The following SLC25A21 variants were observed in gnomAD, a reference collection of about 807,000 sequenced individuals.
The protein encoded by SLC25A21 is solute carrier family 25 member 21.
In SLC25A21, 47 loss-of-function variants were observed where a neutral mutation model predicts 43.8. The observed-to-expected ratio is 1.07, with a 90% confidence interval of 0.85 to 1.37. The LOEUF (loss-of-function observed/expected upper bound fraction) is 1.37. Among genes scored for constraint, SLC25A21 ranks in the 40% most tolerant of loss-of-function variants. The pLI, the probability that SLC25A21 is intolerant of heterozygous loss-of-function variation, is 0.00. For synonymous variants in SLC25A21, 131 were observed against 121.3 expected (o/e 1.08, Z -0.52); for missense variants, 352 against 350.2 (o/e 1.00, Z -0.04).
chr14:37,170,068 GC>G (rs1949802401), intron 1 of SLC25A21, among the ~76,000 whole-genome samples: 1 of 151,742 alleles, frequency 6.6e-6, no homozygotes, highest in Middle Eastern at 3.4e-3. Context: ...ACCGAGTCTC[GC>G]TCTGTCGCCA....
intron 3 of SLC25A21, among the ~76,000 whole-genome samples, chr14:36,763,038 G>C (rs2764954): frequency 0.16 from 24,486 of 152,150 alleles, 2,238 homozygotes; most frequent in Middle Eastern, 0.25. Flanking sequence ...TTATCTTCCT[G>C]TAGTTTAAAA....
At chr14:37,046,088 A>G (rs1036204112) in intron 1 of SLC25A21, among the ~76,000 whole-genome samples, 18 of 152,206 alleles carry the variant, frequency 1.2e-4, no homozygotes, top group Admixed American at 5.2e-4. Flanking sequence ...TAAGGCCACA[A>G]AATCACAAAG....
chr14:36,963,588 A>T (rs1359259234), intron 1 of SLC25A21, among the ~76,000 whole-genome samples: 2 of 152,142 alleles, frequency 1.3e-5, no homozygotes, highest in Admixed American at 1.3e-4. Flanking sequence ...CAGTAGAAGG[A>T]ACATTTTGAT....
intron 3 of SLC25A21, among the ~76,000 whole-genome samples, chr14:36,777,026 G>A (rs1355808837): frequency 6.6e-6 from 1 of 152,158 alleles, no homozygotes; most frequent in Admixed American, 6.5e-5. Context: ...CTGGGAGGCC[G>A]AGGTGGGCGG....
intron 6 of SLC25A21, among the ~76,000 whole-genome samples, chr14:36,713,759 G>A (rs2139192714): frequency 6.6e-6 from 1 of 152,262 alleles, no homozygotes; most frequent in African/African-American, 2.4e-5. Flanking sequence ...GGAGGCAGGA[G>A]GAGTGCTTGA....
At chr14:37,069,444 C>T (rs1962128783) in intron 1 of SLC25A21, among the ~76,000 whole-genome samples, 1 of 152,010 alleles carries the variant, frequency 6.6e-6, no homozygotes, top group African/African-American at 2.4e-5. Flanking sequence ...GGAACATATG[C>T]GTAGACATCC....
chr14:37,097,573 T>C (rs1962723757), intron 1 of SLC25A21, among the ~76,000 whole-genome samples: 1 of 152,094 alleles, frequency 6.6e-6, no homozygotes, highest in Non-Finnish European at 1.5e-5. Flanking sequence ...CAACTTAGTC[T>C]CAAATGATTC....
chr14:36,794,272 G>C (rs966104183), intron 3 of SLC25A21, among the ~76,000 whole-genome samples: 1 of 151,914 alleles, frequency 6.6e-6, no homozygotes, highest in Non-Finnish European at 1.5e-5. Flanking sequence ...GTTCTCTCCA[G>C]GAGTGTTTTT....
chr14:37,082,432 A>G (rs569294071), intron 1 of SLC25A21, among the ~76,000 whole-genome samples: 157 of 152,328 alleles, frequency 1.0e-3, no homozygotes, highest in African/African-American at 3.7e-3. Context: ...AAGAACATTA[A>G]GCATTAGGCA....
At chr14:36,743,683 G>A (rs753619538) in intron 3 of SLC25A21, among the ~76,000 whole-genome samples, 11 of 152,076 alleles carry the variant, frequency 7.2e-5, no homozygotes, top group African/African-American at 1.9e-4. Context: ...CATATTCAAC[G>A]TAGTACTGGA....
At chr14:36,735,607 T>G (rs1304483435) in intron 3 of SLC25A21, among the ~76,000 whole-genome samples, 1 of 152,144 alleles carries the variant, frequency 6.6e-6, no homozygotes, top group Non-Finnish European at 1.5e-5. Context: ...GTTGAGAATT[T>G]ATTCAAGTGA....
At chr14:36,691,473 T>C (rs1456413845) in intron 7 of SLC25A21, among the ~76,000 whole-genome samples, 4 of 152,246 alleles carry the variant, frequency 2.6e-5, no homozygotes, top group African/African-American at 4.8e-5. Context: ...AATTAGGAAC[T>C]GTTTCTTGTA....
At chr14:36,949,209 A>G (rs1016627314) in intron 1 of SLC25A21, among the ~76,000 whole-genome samples, 2 of 152,206 alleles carry the variant, frequency 1.3e-5, no homozygotes, top group Admixed American at 1.3e-4. Flanking sequence ...TTCCTTTCAA[A>G]ACCCTCTTCT....
intron 1 of SLC25A21, chr14:37,097,942 G>C (rs1189345395): frequency 6.6e-6 from 1 of 152,026 alleles, no homozygotes; most frequent in Non-Finnish European, 1.5e-5. Context: ...GGTAGCTATA[G>C]AGAAGAAATG....
chr14:36,694,818 G>A (rs142573683), intron 7 of SLC25A21, among the ~76,000 whole-genome samples: 1,618 of 152,058 alleles, frequency 0.011, 24 homozygotes, highest in African/African-American at 0.033. Flanking sequence ...GCCCTTTGTC[G>A]GATGGGTTGA....
intron 3 of SLC25A21, among the ~76,000 whole-genome samples, chr14:36,797,290 C>G (rs1448372365): frequency 2.0e-5 from 3 of 152,010 alleles, no homozygotes; most frequent in African/African-American, 7.2e-5. Context: ...TTTTTAAGAC[C>G]TTTCAAACAT....
intron 1 of SLC25A21, among the ~76,000 whole-genome samples, chr14:36,955,991 C>G (rs185897515): frequency 6.6e-6 from 1 of 152,166 alleles, no homozygotes; most frequent in East Asian, 1.9e-4. Flanking sequence ...TCATCCATCA[C>G]TGTACATTAA....
At chr14:36,729,468 TAAC>T in intron 5 of SLC25A21, 36 bp downstream of exon 5, 1 of 1,458,922 alleles carries the variant, frequency 6.9e-7, no homozygotes, top group African/African-American at 1.4e-5. Flanking sequence ...CTTTATGAAA[TAAC>T]ACACACATTT....
rs1015282509 is a variant in SLC25A21, at chr14:36,845,122, C to T, written c.119+29834G>A. On this transcript the variant is annotated intron_variant, in intron 2 of 9. Coordinates refer to ENST00000331299, the MANE Select transcript of SLC25A21 (RefSeq NM_030631.4). ...GTTGACCTACTGCCATCATGTAACA[C>T]GGTATAAAGCCAGGCTGCAAAGTAG... is the stretch of plus-strand genomic sequence containing the variant. Among the ~76,000 whole-genome samples, 6 of 152,112 alleles carry T rather than the reference C, an allele frequency of 3.9e-5. No individual in the cohort carries two copies. In the East Asian group the frequency reaches 5.8e-4, roughly 15 times the overall value.
Sources: allele counts gnomAD v4.1 joint callset (sites outside exome capture counted in the v4.1 genomes callset), GRCh38; gene constraint gnomAD v4.1.1; transcripts MANE v1.5; gene names NCBI Gene and HGNC (gene_info 2026-07-23, HGNC 2026-07-21).